C8orf74: variants seen among roughly 807,000 people sequenced by gnomAD.
C8orf74 encodes the protein chromosome 8 open reading frame 74.
In C8orf74, 29 loss-of-function variants were observed where a neutral mutation model predicts 22.2. That is an observed-to-expected ratio of 1.31 (90% confidence interval 0.97 to 1.78). C8orf74 has a LOEUF of 1.78. Ranked by LOEUF, C8orf74 falls within the 40% of genes most tolerant of loss-of-function variation. The pLI is 0.00. For missense variants in C8orf74, 515 were observed against 369.9 expected, an observed-to-expected ratio of 1.39 and a Z score of -3.22; for synonymous variants, 255 against 163.1, an observed-to-expected ratio of 1.56 and a Z score of -4.30.
chr8:10,681,393 G>C (rs865803610), intron 2 of C8orf74, among the ~76,000 whole-genome samples: 1 of 152,206 alleles, frequency 6.6e-6, no homozygotes, highest in Non-Finnish European at 1.5e-5. Flanking sequence ...CTTCCAGCTT[G>C]GGACGTCCTG....
intron 2 of C8orf74, among the ~76,000 whole-genome samples, chr8:10,676,963 G>C: frequency 6.6e-6 from 1 of 152,214 alleles, no homozygotes; most frequent in East Asian, 1.9e-4. Context: ...CGATGATGAT[G>C]CAAACCCAAC....
chr8:10,679,030 G>A (rs1253679043), intron 2 of C8orf74, among the ~76,000 whole-genome samples: 1 of 152,284 alleles, frequency 6.6e-6, no homozygotes, highest in Non-Finnish European at 1.5e-5. Flanking sequence ...AAACGCTGCC[G>A]TCACCTCCAG....
At chr8:10,696,922 G>T (rs183111158) in intron 2 of C8orf74, among the ~76,000 whole-genome samples, 15 of 149,902 alleles carry the variant, frequency 1.0e-4, no homozygotes, top group African/African-American at 3.8e-4. Context: ...CACTTTGGGA[G>T]GCCACGGTGG....
intron 2 of C8orf74, among the ~76,000 whole-genome samples, chr8:10,680,264 T>C (rs1444364096): frequency 6.6e-6 from 1 of 152,168 alleles, no homozygotes; most frequent in East Asian, 1.9e-4. Flanking sequence ...CGACACTGCA[T>C]AGCCTTGAGA....
intron 1 of C8orf74, among the ~76,000 whole-genome samples, chr8:10,674,149 C>T (rs1167594945): frequency 3.1e-5 from 4 of 129,842 alleles, no homozygotes; most frequent in Admixed American, 1.6e-4. Flanking sequence ...ACAGACCACA[C>T]ATCACACCCT....
chr8:10,684,594 T>A (rs949956019), intron 2 of C8orf74, among the ~76,000 whole-genome samples: 1 of 152,228 alleles, frequency 6.6e-6, no homozygotes, highest in Non-Finnish European at 1.5e-5. Context: ...CTCTAATCCA[T>A]CAGAGATATA....
chr8:10,686,798 A>G, intron 2 of C8orf74: 1 of 172,424 alleles, frequency 5.8e-6, no homozygotes, highest in East Asian at 1.6e-4. Flanking sequence ...GGGGAGAAAG[A>G]GGATAAAGCA....
chr8:10,687,204 A>C, intron 2 of C8orf74: 1 of 438,916 alleles, frequency 2.3e-6, no homozygotes, highest in African/African-American at 2.0e-5. Flanking sequence ...GCACTGTGGA[A>C]AGCACCACAT....
intron 2 of C8orf74, among the ~76,000 whole-genome samples, chr8:10,696,050 C>T (rs1799490429): frequency 6.6e-6 from 1 of 152,190 alleles, no homozygotes; most frequent in Non-Finnish European, 1.5e-5. Context: ...CCATGCTCTT[C>T]TGCTGCCCTT....
Position 10,697,965 on chromosome 8 carries a change from C to CAGAAGG in C8orf74, c.608_609insAGAAGG (p.Ala203_Ala204insGluGly). The CAGAAGG allele has an allele frequency of 6.5e-7, 1 of 1,532,234 alleles. No homozygotes were observed. Among genetic ancestry groups the CAGAAGG allele is most frequent in the Non-Finnish European group, 8.8e-7 (1 of 1,142,558 alleles). The allele number at this position is 1,532,234 out of a possible 1,614,324, so 94.9% of individuals were successfully genotyped here. On this transcript the variant is annotated inframe_insertion, in exon 3 of 4. Transcript: ENST00000304519. ...AACTCGCTGCAGAAGGCGTTCGCTG[C>CAGAAGG]CGCCGCGCCTGCGCAGCCCGGCCAG...
intron 2 of C8orf74, among the ~76,000 whole-genome samples, chr8:10,676,592 C>G (rs1039807577): frequency 1.3e-5 from 2 of 152,196 alleles, no homozygotes; most frequent in Non-Finnish European, 2.9e-5. Context: ...GCCAGGTTCT[C>G]TTCCAATTCT....
intron 2 of C8orf74, 43 bp from the exon 3 acceptor site, chr8:10,697,556 C>A: frequency 6.3e-7 from 1 of 1,580,840 alleles, no homozygotes; most frequent in Non-Finnish European, 8.6e-7. Context: ...GGCAGGGCAG[C>A]TCTGTCCCAC....
intron 3 of C8orf74, among the ~76,000 whole-genome samples, chr8:10,699,436 C>A (rs921144249): frequency 1.2e-4 from 18 of 152,362 alleles, no homozygotes; most frequent in African/African-American, 4.3e-4. Context: ...TTTTGCATAT[C>A]TTTTAAGTGA....
At chr8:10,678,029 C>G (rs1037174732) in intron 2 of C8orf74, among the ~76,000 whole-genome samples, 4 of 152,218 alleles carry the variant, frequency 2.6e-5, no homozygotes, top group African/African-American at 9.6e-5. Flanking sequence ...TTACGAGTTC[C>G]TCCTCTCACT....
At chr8:10,684,717 A>G (rs1799224250) in intron 2 of C8orf74, among the ~76,000 whole-genome samples, 1 of 152,220 alleles carries the variant, frequency 6.6e-6, no homozygotes, top group African/African-American at 2.4e-5. Flanking sequence ...ATTTGTTCTT[A>G]CGTAGTTCTT....
intron 1 of C8orf74, chr8:10,673,774 T>A (rs1472047425): frequency 1.3e-5 from 2 of 153,290 alleles, no homozygotes; most frequent in Non-Finnish European, 2.9e-5. Flanking sequence ...ACCTAGTTAC[T>A]CTTCAGGGCT....
Position 10,681,548 on chromosome 8 carries a change from T to C in C8orf74, c.241+6710T>C, listed in dbSNP as rs1300252247. On this transcript the variant is annotated intron_variant, in intron 2 of 3. Transcript: ENST00000304519. ...AGGCCTGCACAGGAGGCAGGGAAGG[T>C]GGGGACAGCCTCCCCTGCTTCAGGC... 4.6e-5 allele frequency among the ~76,000 whole-genome samples: 7 copies of C among 151,932 alleles called. No individual in the cohort carries two copies. The East Asian group carries it at 1.4e-3, about 29-fold the overall frequency.
intron 2 of C8orf74, chr8:10,690,933 G>A: frequency 2.2e-6 from 1 of 456,156 alleles, no homozygotes; most frequent in South Asian, 1.5e-5. Context: ...TGCAAATGAG[G>A]GCCACTCCCT....
intron 2 of C8orf74, among the ~76,000 whole-genome samples, chr8:10,681,373 G>T (rs1358785975): frequency 6.6e-6 from 1 of 152,196 alleles, no homozygotes; most frequent in Non-Finnish European, 1.5e-5. Context: ...TGGCACAGAG[G>T]GGCGGGAGTC....
Sources: allele counts gnomAD v4.1 joint callset (sites outside exome capture counted in the v4.1 genomes callset), GRCh38; gene constraint gnomAD v4.1.1; transcripts MANE v1.5; gene names NCBI Gene and HGNC (gene_info 2026-07-23, HGNC 2026-07-21).